The following PIAS1 variants were observed in gnomAD, a reference collection of about 807,000 sequenced individuals.
PIAS1 encodes the protein protein inhibitor of activated STAT 1, also known as E3 SUMO-protein ligase PIAS1.
PIAS1 carries 6 observed loss-of-function variants against 71.3 expected under a neutral mutation model. The observed-to-expected ratio is 0.08, with a 90% confidence interval of 0.05 to 0.17. The LOEUF is 0.17. Ranked by LOEUF, PIAS1 falls within the 10% of genes least tolerant of loss-of-function variation. The pLI, the probability that PIAS1 is intolerant of heterozygous loss-of-function variation, is 1.00. For missense variants in PIAS1, 555 were observed against 793.6 expected (o/e 0.70, Z 3.61); for synonymous variants, 303 against 292.9 (o/e 1.03, Z -0.35).
intron 1 of PIAS1, among the ~76,000 whole-genome samples, chr15:68,081,814 G>A (rs1806961520): frequency 2.0e-5 from 3 of 151,856 alleles, no homozygotes; most frequent in African/African-American, 7.3e-5. Context: ...ACAAAGACAT[G>A]GAAGGAAGAT....
chr15:68,157,999 A>G (rs2092902377), intron 7 of PIAS1, among the ~76,000 whole-genome samples: 1 of 152,184 alleles, frequency 6.6e-6, no homozygotes. Flanking sequence ...AACCATTCTT[A>G]GATAAAACAT....
intron 2 of PIAS1, among the ~76,000 whole-genome samples, chr15:68,141,058 A>G (rs939499179): frequency 3.3e-5 from 5 of 152,146 alleles, no homozygotes; most frequent in Admixed American, 6.5e-5. Flanking sequence ...CTAAAAGCCA[A>G]TGGATGTGGT....
chr15:68,112,290 A>G (rs1430928190), intron 2 of PIAS1, among the ~76,000 whole-genome samples: 1 of 152,134 alleles, frequency 6.6e-6, no homozygotes, highest in Non-Finnish European at 1.5e-5. Flanking sequence ...CCTCTTTACT[A>G]GCTCAGTCCC....
chr15:68,169,013 G>A (rs1281637587), intron 8 of PIAS1, among the ~76,000 whole-genome samples: 1 of 152,144 alleles, frequency 6.6e-6, no homozygotes, highest in Admixed American at 6.6e-5. Context: ...CTTGGATTCT[G>A]AAACAATCTT....
chr15:68,121,582 T>G (rs2092613891), intron 2 of PIAS1, among the ~76,000 whole-genome samples: 1 of 152,122 alleles, frequency 6.6e-6, no homozygotes. Context: ...CCTCTTATCT[T>G]ACTTAACCTT....
At chr15:68,060,264 T>C (rs545915750) in intron 1 of PIAS1, among the ~76,000 whole-genome samples, 2 of 151,972 alleles carry the variant, frequency 1.3e-5, no homozygotes, top group African/African-American at 4.8e-5. Flanking sequence ...TTTTTTTGTT[T>C]TGCTGGGATT....
At chr15:68,077,839 G>A (rs1009127564) in intron 1 of PIAS1, among the ~76,000 whole-genome samples, 1 of 152,194 alleles carries the variant, frequency 6.6e-6, no homozygotes, top group Non-Finnish European at 1.5e-5. Context: ...CTCGGAAATA[G>A]TTCAGTACCA....
At chr15:68,139,261 A>C (rs2092754022) in intron 2 of PIAS1, among the ~76,000 whole-genome samples, 1 of 152,174 alleles carries the variant, frequency 6.6e-6, no homozygotes, top group Non-Finnish European at 1.5e-5. Flanking sequence ...TTGGGCTGCA[A>C]GCATTTTTAC....
intron 1 of PIAS1, chr15:68,057,567 G>T: frequency 2.4e-6 from 1 of 408,220 alleles, no homozygotes; most frequent in Non-Finnish European, 4.7e-6. Flanking sequence ...AATTATAAAA[G>T]TTACTATGAG....
At chr15:68,109,233 G>T (rs1462554891) in intron 2 of PIAS1, among the ~76,000 whole-genome samples, 1 of 152,054 alleles carries the variant, frequency 6.6e-6, no homozygotes, top group African/African-American at 2.4e-5. Context: ...TTCTAGTCAA[G>T]GTATTAATAT....
chr15:68,080,404 G>C (rs548371225), intron 1 of PIAS1, among the ~76,000 whole-genome samples: 1 of 152,266 alleles, frequency 6.6e-6, no homozygotes, highest in Non-Finnish European at 1.5e-5. Context: ...TTAACTAGAG[G>C]AGTAGGCACT....
chr15:68,135,663 C>CA (rs2092727288), intron 2 of PIAS1, among the ~76,000 whole-genome samples: 1 of 64,708 alleles, frequency 1.5e-5, no homozygotes, highest in African/African-American at 4.1e-5. Flanking sequence ...GCTGGCCTGG[C>CA]GGGGGCTGAC....
chr15:68,059,002 T>G (rs1463078916), intron 1 of PIAS1, among the ~76,000 whole-genome samples: 1 of 15,658 alleles, frequency 6.4e-5, no homozygotes, highest in African/African-American at 1.7e-4. Flanking sequence ...TTATTCTACT[T>G]TTTTTTTTTT....
chr15:68,120,784 A>G (rs1046250313), intron 2 of PIAS1, among the ~76,000 whole-genome samples: 1 of 152,160 alleles, frequency 6.6e-6, no homozygotes, highest in Non-Finnish European at 1.5e-5. Context: ...ACTCCCAAGT[A>G]GCTGGGATTA....
At chr15:68,085,154 A>G (rs1235963329) in intron 1 of PIAS1, among the ~76,000 whole-genome samples, 1 of 152,174 alleles carries the variant, frequency 6.6e-6, no homozygotes, top group Non-Finnish European at 1.5e-5. Flanking sequence ...GCTTTTGTGT[A>G]TTTGGTATGA....
At chr15:68,108,490 A>T (rs944291063) in intron 2 of PIAS1, among the ~76,000 whole-genome samples, 25 of 151,178 alleles carry the variant, frequency 1.7e-4, no homozygotes, top group African/African-American at 5.8e-4. Context: ...TCTCACACTC[A>T]CTCCCTTGAT....
chr15:68,072,354 C>G (rs1231027063), intron 1 of PIAS1, among the ~76,000 whole-genome samples: 4 of 125,820 alleles, frequency 3.2e-5, no homozygotes, highest in African/African-American at 6.2e-5. Flanking sequence ...GAGCTGAAAT[C>G]AGGCCACTGC....
rs549385269 is a variant in PIAS1, at chr15:68,187,473, G to A, written c.1663-69G>A. ...TATCTTAAATTTAGGGCTGTGTCCC[G>A]CTGAGGAGAAAATATATTAATTTGG... On this transcript the variant is annotated intron_variant, in intron 13 of 13. Coordinates refer to ENST00000249636, the MANE Select transcript of PIAS1 (RefSeq NM_016166.3). The surrounding 1 kb of genome is among the most constrained non-coding windows in gnomAD (Gnocchi z 5.3). 2.3e-5 allele frequency: 33 copies of A among 1,407,302 alleles called. No individual in the cohort carries two copies. The highest frequency in any genetic ancestry group is 1.6e-4 in the African/African-American group (11 of 70,904). 87.2% of individuals were successfully genotyped at this position (1,407,302 alleles called of 1,614,324 possible).
intron 1 of PIAS1, chr15:68,055,932 A>C: frequency 1.4e-6 from 1 of 700,216 alleles, no homozygotes; most frequent in Non-Finnish European, 2.6e-6. Flanking sequence ...TTTGAGTGTC[A>C]TTCTTTTAAA....
Sources: gnomAD v4.1 joint callset for allele counts (sites outside exome capture counted in the v4.1 genomes callset) on GRCh38, gnomAD v4.1.1 for gene constraint, Gnocchi (gnomAD v3.1) non-coding constraint, MANE v1.5 for transcripts, NCBI Gene and HGNC (gene_info 2026-07-23, HGNC 2026-07-21) for gene names.